The following RAB39A variants were observed in gnomAD, a reference collection of about 807,000 sequenced individuals.
RAB39A encodes RAB39A, member RAS oncogene family.
A neutral mutation model predicts 20.9 loss-of-function variants in RAB39A; 17 were observed. The observed-to-expected ratio is 0.81, with a 90% CI of 0.56 to 1.22. RAB39A has a LOEUF of 1.22. Ranked by LOEUF, RAB39A falls within the 50% of genes most tolerant of loss-of-function variation. The probability of loss-of-function intolerance (pLI) is 0.00; values close to 1 mark genes in which losing one functional copy is unlikely to be tolerated. For missense variants in RAB39A, 234 were observed against 270.5 expected, an observed-to-expected ratio of 0.87 and a Z score of 0.95; for synonymous variants, 99 against 103.4, an observed-to-expected ratio of 0.96 and a Z score of 0.26.
intron 1 of RAB39A, among the ~76,000 whole-genome samples, chr11:107,934,882 T>C (rs1234911810): frequency 2.1e-5 from 3 of 145,880 alleles, no homozygotes; most frequent in Non-Finnish European, 4.5e-5. Flanking sequence ...TGAGCCGAGA[T>C]TACACCATTT....
At position 107,928,575 on chromosome 11, in the gene RAB39A, A is replaced by C. The variant is rs766538289; in HGVS notation, c.7A>C (p.Thr3Pro). The C allele has an allele frequency of 2.0e-6, 3 of 1,509,456 alleles. No individual in the cohort carries two copies. The highest frequency in any genetic ancestry group is 1.8e-6 in the Non-Finnish European group (2 of 1,112,548). The allele number at this position is 1,509,456 out of a possible 1,614,324, so 93.5% of individuals were successfully genotyped here. The change falls in exon 1 of 2, where the codon ACC (threonine) becomes CCC (proline). Residue 3 changes from threonine (T) to proline (P), a missense_variant. Physicochemically the swap from Thr to Pro is conservative, Grantham distance 38. Transcript: ENST00000320578. The surrounding 1 kb of genome is among the most constrained non-coding windows in gnomAD (Gnocchi z 4.9). Reference protein sequence around the residue: METIWIYQFRLIV... With the variant: MEPIWIYQFRLIV... The stretch of plus-strand genomic sequence containing the variant: ...CCAGCGGGGCACGTGAGCGATGGAG[A>C]CCATCTGGATCTACCAGTTCCGCCT...
intron 1 of RAB39A, among the ~76,000 whole-genome samples, chr11:107,960,036 C>T (rs1358925593): frequency 6.6e-6 from 1 of 152,048 alleles, no homozygotes; most frequent in Admixed American, 6.6e-5. Flanking sequence ...ATGGTGAAAC[C>T]CTGTCTCCAC....
At chr11:107,939,944 G>A (rs1046732801) in intron 1 of RAB39A, among the ~76,000 whole-genome samples, 1 of 152,162 alleles carries the variant, frequency 6.6e-6, no homozygotes, top group African/African-American at 2.4e-5. Flanking sequence ...GCTTTACTCA[G>A]TCCGAGAGAT....
chr11:107,928,698 ACC>A lies in RAB39A; in HGVS notation c.131_132del (p.Thr44SerfsTer50), dbSNP rs1861107910. ...PGLRSPACDP[T>X]VGVDFFSRLL... ...GCTGCGCTCCCCCGCCTGCGACCCCACCGTCGGCGTGGACTTCTTCTCCCGCC... is the reference window on the plus strand; with the variant it reads ...GCTGCGCTCCCCCGCCTGCGACCCCAGTCGGCGTGGACTTCTTCTCCCGCC... On this transcript the variant is annotated frameshift_variant, in exon 1 of 2. Coordinates refer to ENST00000320578, the MANE Select transcript of RAB39A (RefSeq NM_017516.3). LOFTEE classifies it high-confidence loss of function. The surrounding 1 kb of genome is among the most constrained non-coding windows in gnomAD (Gnocchi z 4.9). The A allele has an allele frequency of 3.7e-6, 6 of 1,610,832 alleles. No homozygotes were observed. Among genetic ancestry groups the A allele is most frequent in the Non-Finnish European group, 5.1e-6 (6 of 1,178,468 alleles).
At position 107,933,945 on chromosome 11, in the gene RAB39A, C is replaced by T. The variant is rs1198430595; in HGVS notation, c.227+5150C>T. Among the ~76,000 whole-genome samples the T allele has an allele frequency of 5.9e-5, 9 of 152,214 alleles. No homozygotes were observed. The South Asian group carries it at 1.0e-3, about 18-fold the overall frequency. Reference sequence around the variant, plus strand: ...TGCTGGGATTACAAGCGTAAGCCACCGCACCCAGCCTGTGATTCTTTTTAA... The same window carrying T: ...TGCTGGGATTACAAGCGTAAGCCACTGCACCCAGCCTGTGATTCTTTTTAA... On this transcript the variant is annotated intron_variant, in intron 1 of 1. Coordinates refer to ENST00000320578, the MANE Select transcript of RAB39A (RefSeq NM_017516.3).
intron 1 of RAB39A, among the ~76,000 whole-genome samples, chr11:107,955,291 G>A (rs1057397844): frequency 2.0e-5 from 3 of 151,858 alleles, no homozygotes; most frequent in Admixed American, 1.3e-4. Flanking sequence ...GCCACTGCAC[G>A]CGGCCAAAAG....
intron 1 of RAB39A, among the ~76,000 whole-genome samples, chr11:107,935,720 A>T (rs956764863): frequency 6.6e-6 from 1 of 151,716 alleles, no homozygotes; most frequent in Non-Finnish European, 1.5e-5. Flanking sequence ...GCAAGAATCG[A>T]TATTATTATC....
intron 1 of RAB39A, among the ~76,000 whole-genome samples, chr11:107,955,576 C>T (rs766568282): frequency 2.0e-5 from 3 of 152,170 alleles, no homozygotes; most frequent in African/African-American, 7.2e-5. Context: ...AAACGGTTCA[C>T]GCCTGTAATC....
At chr11:107,961,778 A>T (rs1422650600) in intron 1 of RAB39A, among the ~76,000 whole-genome samples, 168 bp from the exon 2 acceptor site, 1 of 152,370 alleles carries the variant, frequency 6.6e-6, no homozygotes, top group African/African-American at 2.4e-5. Flanking sequence ...CTTGCGTATT[A>T]GTCCCATAGA....
At chr11:107,949,545 A>C (rs1423613076) in intron 1 of RAB39A, among the ~76,000 whole-genome samples, 1 of 152,198 alleles carries the variant, frequency 6.6e-6, no homozygotes, top group African/African-American at 2.4e-5. Context: ...ATGTCCTTTC[A>C]TTATGTTAGA....
chr11:107,956,503 A>C (rs1285784359), intron 1 of RAB39A, among the ~76,000 whole-genome samples: 1 of 152,250 alleles, frequency 6.6e-6, no homozygotes, highest in African/African-American at 2.4e-5. Context: ...TACTCTAGCC[A>C]AACAGAGCAG....
intron 1 of RAB39A, among the ~76,000 whole-genome samples, chr11:107,952,343 A>G (rs930004660): frequency 2.0e-5 from 3 of 152,212 alleles, no homozygotes; most frequent in African/African-American, 7.2e-5. Flanking sequence ...GCACTTTGGG[A>G]AGCCGAGGTG....
Position 107,941,217 on chromosome 11 carries a change from C to T in RAB39A, c.227+12422C>T, listed in dbSNP as rs541572440. ...CTGGGTCATTGCAGGACTTCTCAGACGACTTTTAATATACTAATACACATT... is the reference window on the plus strand; with the variant it reads ...CTGGGTCATTGCAGGACTTCTCAGATGACTTTTAATATACTAATACACATT... On this transcript the variant is annotated intron_variant, in intron 1 of 1. Transcript: ENST00000320578. Among the ~76,000 whole-genome samples the T allele has an allele frequency of 1.3e-4, 20 of 152,216 alleles. No individual in the cohort carries two copies. The South Asian group carries it at 2.7e-3, about 20-fold the overall frequency.
intron 1 of RAB39A, among the ~76,000 whole-genome samples, chr11:107,932,665 G>C (rs1861149838): frequency 6.6e-6 from 1 of 152,174 alleles, no homozygotes; most frequent in Non-Finnish European, 1.5e-5. Context: ...AGATGCCTTT[G>C]GCACTGTAGG....
chr11:107,961,336 G>A (rs1861493421), intron 1 of RAB39A, among the ~76,000 whole-genome samples: 1 of 152,058 alleles, frequency 6.6e-6, no homozygotes. Flanking sequence ...GTGCTCTCTG[G>A]GGTATCTTTT....
rs574674406 is a variant in RAB39A, at chr11:107,942,125, T to A, written c.227+13330T>A. Among the ~76,000 whole-genome samples, 9 of 137,978 alleles carry A rather than the reference T, an allele frequency of 6.5e-5. No homozygotes were observed. In the East Asian group the frequency reaches 1.7e-3, roughly 26 times the overall value. The allele number at this position is 137,978 out of a possible 152,430, so 90.5% of individuals were successfully genotyped here. A position where few individuals can be genotyped will look rare whatever the true frequency, so the allele number is the denominator to read the frequency against. ...AAAAAAAAAAAAAAAAAAAAAAGAC[T>A]GACATTTGATAGAACAGATGGGTAG... On this transcript the variant is annotated intron_variant, in intron 1 of 1. Transcript: ENST00000320578.
chr11:107,937,370 C>T (rs925108251), intron 1 of RAB39A, among the ~76,000 whole-genome samples: 10 of 151,914 alleles, frequency 6.6e-5, no homozygotes, highest in Non-Finnish European at 1.5e-4. Flanking sequence ...GAACTTCTTG[C>T]TTCAAGTGAT....
chr11:107,934,232 A>G (rs1861169312), intron 1 of RAB39A, among the ~76,000 whole-genome samples: 1 of 152,058 alleles, frequency 6.6e-6, no homozygotes, highest in South Asian at 2.1e-4. Flanking sequence ...GTTCAAGACC[A>G]GCCTAGACAA....
chr11:107,949,968 C>T (rs1591246994), intron 1 of RAB39A, among the ~76,000 whole-genome samples: 1 of 151,628 alleles, frequency 6.6e-6, no homozygotes, highest in Admixed American at 6.6e-5. Context: ...GTGAGGAGAT[C>T]GAGACCATCC....
Sources: allele counts gnomAD v4.1 joint callset (sites outside exome capture counted in the v4.1 genomes callset), GRCh38; gene constraint gnomAD v4.1.1; non-coding constraint Gnocchi (gnomAD v3.1); transcripts MANE v1.5; gene names NCBI Gene and HGNC (gene_info 2026-07-23, HGNC 2026-07-21).